SLC22A3: variants seen among roughly 807,000 people sequenced by gnomAD.
SLC22A3 encodes EMT organic cation transporter 3.
Under a neutral mutation model 59.1 loss-of-function variants are expected in SLC22A3, and 51 were observed. That is an observed-to-expected ratio of 0.86 (90% CI 0.69 to 1.09). The LOEUF is 1.09. Ranked by LOEUF, SLC22A3 falls within the 50% of genes least tolerant of loss-of-function variation. The pLI is 0.00. For missense variants in SLC22A3, 711 were observed against 726.3 expected, an observed-to-expected ratio of 0.98 and a Z score of 0.24; for synonymous variants, 325 against 292.0, an observed-to-expected ratio of 1.11 and a Z score of -1.15.
At chr6:160,392,194 A>G (rs535745658) in intron 1 of SLC22A3, among the ~76,000 whole-genome samples, 1 of 152,214 alleles carries the variant, frequency 6.6e-6, no homozygotes, top group African/African-American at 2.4e-5. Context: ...TGTGCCAGGC[A>G]GAACCTTGTT....
chr6:160,441,226 G>T (rs1010661498), intron 7 of SLC22A3, among the ~76,000 whole-genome samples: 1 of 152,078 alleles, frequency 6.6e-6, no homozygotes, highest in Non-Finnish European at 1.5e-5. Context: ...CTGAGTCTCT[G>T]CTCCCACTTT....
intron 1 of SLC22A3, 34 bp from the exon 2 acceptor site, chr6:160,397,945 C>A: frequency 6.8e-7 from 1 of 1,463,946 alleles, no homozygotes; most frequent in Non-Finnish European, 9.6e-7. Flanking sequence ...TGCATTCTGG[C>A]ATGTCTCCAT....
rs559572019 is a variant in SLC22A3, at chr6:160,415,557, T to G, written c.975+4711T>G. ...AGGATGTTCAGACCCACGACTGAAG[T>G]TCCCAGCAATCTCTTTTTACTTTTC... On this transcript the variant is annotated intron_variant, in intron 5 of 10. Coordinates refer to ENST00000275300, the MANE Select transcript of SLC22A3 (RefSeq NM_021977.4). The surrounding 1 kb of genome is among the most constrained non-coding windows in gnomAD (Gnocchi z 4.1). 1.3e-5 allele frequency among the ~76,000 whole-genome samples: 2 copies of G among 152,346 alleles called. No individual in the cohort carries two copies. Among genetic ancestry groups the G allele is most frequent in the Admixed American group, 1.3e-4 (2 of 15,304 alleles).
At chr6:160,421,634 ACTC>A (rs1248839353) in intron 5 of SLC22A3, among the ~76,000 whole-genome samples, 5 of 152,006 alleles carry the variant, frequency 3.3e-5, no homozygotes, top group African/African-American at 1.2e-4. Context: ...ACAAGGCAAA[ACTC>A]ATCAGCCACA....
intron 7 of SLC22A3, 134 bp from the exon 8 acceptor site, chr6:160,442,627 G>A (rs987726459): frequency 1.1e-5 from 8 of 726,222 alleles, no homozygotes; most frequent in African/African-American, 3.5e-5. Context: ...TTATTAGAAA[G>A]TTCTATCATT....
intron 1 of SLC22A3, among the ~76,000 whole-genome samples, chr6:160,353,780 A>G (rs1366707407): frequency 6.6e-6 from 1 of 152,032 alleles, no homozygotes; most frequent in Non-Finnish European, 1.5e-5. Context: ...CCCTTTTCAG[A>G]TGGTCCATGG....
At chr6:160,405,084 A>G (rs1786957349) in intron 2 of SLC22A3, among the ~76,000 whole-genome samples, 1 of 152,112 alleles carries the variant, frequency 6.6e-6, no homozygotes, top group Admixed American at 6.6e-5. Context: ...TTGTTGTGAG[A>G]GAGACATTAT....
chr6:160,426,225 G>A, intron 5 of SLC22A3: 1 of 985,394 alleles, frequency 1.0e-6, no homozygotes, highest in East Asian at 1.1e-4. Flanking sequence ...GGCTTTCTGA[G>A]TTACATAAGG....
intron 1 of SLC22A3, among the ~76,000 whole-genome samples, chr6:160,390,235 A>T (rs1040809539): frequency 6.6e-6 from 1 of 152,138 alleles, no homozygotes; most frequent in South Asian, 2.1e-4. Context: ...TTATATATTA[A>T]TTCTTGATCA....
At chr6:160,381,003 C>T (rs1785775914) in intron 1 of SLC22A3, among the ~76,000 whole-genome samples, 1 of 152,080 alleles carries the variant, frequency 6.6e-6, no homozygotes. Context: ...GTGAATATGC[C>T]AGTGCAGCCG....
intron 2 of SLC22A3, among the ~76,000 whole-genome samples, chr6:160,403,587 C>A (rs1464825655): frequency 6.6e-6 from 1 of 151,804 alleles, no homozygotes; most frequent in African/African-American, 2.4e-5. Context: ...ACAGACATTA[C>A]AACAAAAGAA....
chr6:160,386,654 C>G (rs951380555), intron 1 of SLC22A3, among the ~76,000 whole-genome samples: 1 of 152,186 alleles, frequency 6.6e-6, no homozygotes, highest in Non-Finnish European at 1.5e-5. Context: ...CCCTCCAGAT[C>G]CCATGCATAG....
intron 2 of SLC22A3, among the ~76,000 whole-genome samples, chr6:160,398,951 C>G (rs1185428876): frequency 1.3e-5 from 2 of 152,098 alleles, no homozygotes; most frequent in East Asian, 1.9e-4. Flanking sequence ...TGTGACTGTA[C>G]CATTCAGTGG....
intron 7 of SLC22A3, among the ~76,000 whole-genome samples, chr6:160,438,107 G>A (rs1788416928): frequency 6.6e-6 from 1 of 152,172 alleles, no homozygotes; most frequent in Non-Finnish European, 1.5e-5. Flanking sequence ...AGACCTAGAT[G>A]AGAGAGGGTC....
chr6:160,351,058 C>A (rs1466027866), intron 1 of SLC22A3, among the ~76,000 whole-genome samples: 7 of 152,268 alleles, frequency 4.6e-5, no homozygotes, highest in African/African-American at 1.7e-4. Context: ...TAGGAATGTA[C>A]CCCGTAAAGC....
At chr6:160,440,401 A>G (rs149612650) in intron 7 of SLC22A3, among the ~76,000 whole-genome samples, 10 of 152,358 alleles carry the variant, frequency 6.6e-5, no homozygotes, top group African/African-American at 2.4e-4. Flanking sequence ...TAGATGATCC[A>G]TTCAGAGGAC....
intron 1 of SLC22A3, among the ~76,000 whole-genome samples, chr6:160,355,497 C>T (rs926687878): frequency 4.6e-5 from 7 of 152,000 alleles, no homozygotes; most frequent in Non-Finnish European, 1.0e-4. Context: ...CACGGTGGCT[C>T]ACACCTGTAA....
chr6:160,446,860 T>A (rs566124683), intron 9 of SLC22A3, among the ~76,000 whole-genome samples: 1 of 152,340 alleles, frequency 6.6e-6, no homozygotes, highest in East Asian at 1.9e-4. Flanking sequence ...GTCTGCTGCA[T>A]CTTTATGGTG....
At chr6:160,434,560 T>C (rs1788268967) in intron 5 of SLC22A3, among the ~76,000 whole-genome samples, 1 of 152,234 alleles carries the variant, frequency 6.6e-6, no homozygotes, top group East Asian at 1.9e-4. Context: ...TAGAATCTAA[T>C]ATCACACACT....
Sources: gnomAD v4.1 joint callset for allele counts (sites outside exome capture counted in the v4.1 genomes callset) on GRCh38, gnomAD v4.1.1 for gene constraint, Gnocchi (gnomAD v3.1) non-coding constraint, MANE v1.5 for transcripts, NCBI Gene and HGNC (gene_info 2026-07-23, HGNC 2026-07-21) for gene names.